The following PTPRG variants were observed in gnomAD, a reference collection of about 807,000 sequenced individuals.
PTPRG encodes receptor-type tyrosine-protein phosphatase gamma.
PTPRG carries 102 observed loss-of-function variants against 165.3 expected under a neutral mutation model. The ratio of observed to expected loss-of-function variants is 0.62; its 90% CI spans 0.53 to 0.73. The LOEUF (loss-of-function observed/expected upper bound fraction) is 0.73, where lower values mean the gene tolerates loss of function less well. Among genes scored for constraint, PTPRG ranks in the 30% least tolerant of loss-of-function variants. The pLI is 0.00. For synonymous variants in PTPRG, 675 were observed against 669.5 expected (o/e 1.01, Z -0.13); for missense variants, 1,866 against 1,861.4 (o/e 1.00, Z -0.05).
intron 4 of PTPRG, among the ~76,000 whole-genome samples, chr3:62,038,752 C>T (rs1017544151): frequency 3.9e-5 from 6 of 152,108 alleles, no homozygotes; most frequent in Non-Finnish European, 7.4e-5. Flanking sequence ...AGCCTATGTA[C>T]ATATATGGAG....
At chr3:61,631,883 CAAAG>C (rs1701782700) in intron 1 of PTPRG, among the ~76,000 whole-genome samples, 1 of 151,916 alleles carries the variant, frequency 6.6e-6, no homozygotes, top group Non-Finnish European at 1.5e-5. Flanking sequence ...AATCCAGTGA[CAAAG>C]AGGGAAATGT....
intron 1 of PTPRG, among the ~76,000 whole-genome samples, chr3:61,571,136 G>A (rs1330313870): frequency 1.3e-5 from 2 of 152,118 alleles, no homozygotes; most frequent in Non-Finnish European, 1.5e-5. Flanking sequence ...TCTATGCCCC[G>A]TGCTTGAGCA....
chr3:61,718,997 A>C (rs1490766007), intron 1 of PTPRG, among the ~76,000 whole-genome samples: 1 of 152,202 alleles, frequency 6.6e-6, no homozygotes, highest in Non-Finnish European at 1.5e-5. Flanking sequence ...CAATCCATCA[A>C]GAATGGTACA....
chr3:61,940,671 T>A (rs1159889874), intron 2 of PTPRG, among the ~76,000 whole-genome samples: 1 of 126,040 alleles, frequency 7.9e-6, no homozygotes, highest in Non-Finnish European at 1.7e-5. Context: ...ATTTATTTAT[T>A]TTTTATTTTT....
At chr3:61,845,487 T>G (rs934678217) in intron 2 of PTPRG, among the ~76,000 whole-genome samples, 1 of 152,188 alleles carries the variant, frequency 6.6e-6, no homozygotes, top group African/African-American at 2.4e-5. Context: ...TGAAATAACA[T>G]TTCCATTTTC....
intron 2 of PTPRG, among the ~76,000 whole-genome samples, chr3:61,932,657 A>G (rs924813701): frequency 1.3e-5 from 2 of 152,222 alleles, no homozygotes; most frequent in African/African-American, 2.4e-5. Context: ...ATGGAAGCCC[A>G]GAGAGGTCAT....
chr3:61,912,441 G>C, intron 2 of PTPRG, among the ~76,000 whole-genome samples: 1 of 151,926 alleles, frequency 6.6e-6, no homozygotes, highest in African/African-American at 2.4e-5. Context: ...TTTAGAATTA[G>C]GCTTTGCTTA....
At chr3:62,291,924 A>G (rs1295113391) in intron 28 of PTPRG, among the ~76,000 whole-genome samples, 2 of 152,204 alleles carry the variant, frequency 1.3e-5, no homozygotes, top group East Asian at 3.8e-4. Context: ...TAATTATTTC[A>G]TATGAAATTA....
intron 1 of PTPRG, among the ~76,000 whole-genome samples, chr3:61,712,345 AAG>A (rs2031607307): frequency 6.6e-6 from 1 of 151,732 alleles, no homozygotes; most frequent in African/African-American, 2.4e-5. Flanking sequence ...TTTTTTTTTA[AAG>A]AGAGAACACT....
chr3:61,593,345 C>T (rs1038268221), intron 1 of PTPRG, among the ~76,000 whole-genome samples: 4 of 151,108 alleles, frequency 2.6e-5, no homozygotes, highest in South Asian at 2.1e-4. Context: ...CTATAGTTTC[C>T]TTTAAGACCA....
chr3:61,692,315 T>G (rs1237642380), intron 1 of PTPRG, among the ~76,000 whole-genome samples: 1 of 152,186 alleles, frequency 6.6e-6, no homozygotes, highest in Non-Finnish European at 1.5e-5. Flanking sequence ...TGAGCTGGGG[T>G]TTTTCAGCTA....
rs556570148 is a variant in PTPRG at position 62,262,894 on chromosome 3, T to A, written c.2656T>A (p.Tyr886Asn). 1.9e-6 allele frequency: 3 copies of A among 1,605,964 alleles called. No homozygotes were observed. In the South Asian group the frequency reaches 3.3e-5, roughly 18 times the overall value. Reference sequence around the variant, plus strand: ...AAACAGATACATCAACATTTTAGCATGTGAGTAATAAGCTTTAAACTACCT... The same window carrying A: ...AAACAGATACATCAACATTTTAGCAAGTGAGTAATAAGCTTTAAACTACCT... ...HKNRYINILA[Y>N]DHSRVKLRPL... Residue 886 changes from tyrosine to asparagine, a missense_variant and splice_region_variant, in exon 17 of 30, where the codon TAT (tyrosine) becomes AAT (asparagine). Tyr to Asn is a moderately radical substitution (Grantham distance 143, BLOSUM62 -2). Transcript: ENST00000474889.
intron 6 of PTPRG, among the ~76,000 whole-genome samples, chr3:62,156,435 G>A (rs757539688): frequency 9.9e-5 from 15 of 152,122 alleles, no homozygotes; most frequent in East Asian, 1.9e-4. Context: ...GGAAGATACC[G>A]CCACATTTGT....
intron 2 of PTPRG, among the ~76,000 whole-genome samples, chr3:61,838,162 CTGGTTTCTAGGACAAG>C (rs2036526215): frequency 6.6e-6 from 1 of 152,200 alleles, no homozygotes; most frequent in African/African-American, 2.4e-5. Context: ...GGCCTAAAAG[CTGGTTTCTAGGACAAG>C]TGGTGAAGGT....
chr3:62,060,559 GT>G (rs1227639989), intron 4 of PTPRG, among the ~76,000 whole-genome samples: 2 of 152,194 alleles, frequency 1.3e-5, no homozygotes, highest in African/African-American at 4.8e-5. Context: ...GCTATGCACT[GT>G]TCTGTCTGTA....
At chr3:61,889,503 T>C (rs2038147506) in intron 2 of PTPRG, among the ~76,000 whole-genome samples, 1 of 152,252 alleles carries the variant, frequency 6.6e-6, no homozygotes, top group African/African-American at 2.4e-5. Flanking sequence ...GTGACATGTT[T>C]ACATACTCAG....
chr3:62,266,179 T>G (rs974976549), intron 17 of PTPRG, among the ~76,000 whole-genome samples: 12 of 152,172 alleles, frequency 7.9e-5, no homozygotes, highest in African/African-American at 2.9e-4. Context: ...TTCAGGGAGT[T>G]AGGTTTTGGT....
At chr3:62,176,699 T>A (rs746386818) in intron 8 of PTPRG, among the ~76,000 whole-genome samples, 1 of 152,048 alleles carries the variant, frequency 6.6e-6, no homozygotes, top group Non-Finnish European at 1.5e-5. Context: ...GTCCTGAGAG[T>A]CCTGCACCCA....
At chr3:62,201,855 C>T (rs557373685) in intron 11 of PTPRG, among the ~76,000 whole-genome samples, 1 of 152,282 alleles carries the variant, frequency 6.6e-6, no homozygotes, top group Admixed American at 6.5e-5. Flanking sequence ...TGTTCCAACC[C>T]TTTCATTTGA....
Sources: gnomAD v4.1 joint callset for allele counts (sites outside exome capture counted in the v4.1 genomes callset) on GRCh38, gnomAD v4.1.1 for gene constraint, MANE v1.5 for transcripts, NCBI Gene and HGNC (gene_info 2026-07-23, HGNC 2026-07-21) for gene names.